The following CCDC73 variants were observed in gnomAD, a reference collection of about 807,000 sequenced individuals.
The protein encoded by CCDC73 is coiled-coil domain containing 73, also known as coiled-coil domain-containing protein 73.
CCDC73 carries 95 observed loss-of-function variants against 116.5 expected under a neutral mutation model. That is an observed-to-expected ratio of 0.82 (90% confidence interval 0.69 to 0.97). The LOEUF is 0.97. CCDC73 is among the 50% of genes least tolerant of loss of function. The pLI, the probability that CCDC73 is intolerant of heterozygous loss-of-function variation, is 0.00. For synonymous variants in CCDC73, 398 were observed against 401.3 expected, an observed-to-expected ratio of 0.99 and a Z score of 0.10; for missense variants, 1,066 against 1,206.8, an observed-to-expected ratio of 0.88 and a Z score of 1.73.
Position 32,616,110 on chromosome 11 carries a change from T to G in CCDC73, c.1205A>C (p.Asn402Thr), listed in dbSNP as rs1855472634. Residue 402 changes from asparagine (N) to threonine (T), a missense_variant, in exon 15 of 18, where the codon AAT (asparagine) becomes ACT (threonine). Transcript: ENST00000335185. The part of the protein sequence containing the change: ...KKFQNVPEVN[N>T]ENSEMSTEKS... Reference sequence around the variant, plus strand: ...TTCAGTTGACATTTCACTGTTTTCATTATTTACTTCTGGAACATTCTAGTG... The same window carrying G: ...TTCAGTTGACATTTCACTGTTTTCAGTATTTACTTCTGGAACATTCTAGTG... 1 of 1,579,756 alleles carries G rather than the reference T, an allele frequency of 6.3e-7. No individual in the cohort carries two copies. Among genetic ancestry groups the G allele is most frequent in the African/African-American group, 1.4e-5 (1 of 72,686 alleles).
Position 32,702,871 on chromosome 11 carries a change from A to G in CCDC73, c.279+2T>C, listed in dbSNP as rs551126317. 6.3e-7 allele frequency: 1 copy of G among 1,596,624 alleles called. No homozygotes were observed. The highest frequency in any genetic ancestry group is 1.7e-5 in the Admixed American group (1 of 60,000). On this transcript the variant is annotated splice_donor_variant, in intron 4 of 17. Coordinates refer to ENST00000335185, the MANE Select transcript of CCDC73 (RefSeq NM_001008391.4). LOFTEE classifies it high-confidence loss of function. ...AGTGTTTGTCTATCCTTATGAAATT[A>G]CCTGCTTTTTAAAAACTGCCATTGC...
At chr11:32,694,471 G>T (rs192307876) in intron 6 of CCDC73, among the ~76,000 whole-genome samples, 3 of 152,250 alleles carry the variant, frequency 2.0e-5, no homozygotes, top group Admixed American at 1.3e-4. Context: ...GGGAGGAATA[G>T]CATTAGGAGA....
chr11:32,622,981 CATTTTATTTT>C (rs202129403), intron 14 of CCDC73, among the ~76,000 whole-genome samples: 1 of 151,736 alleles, frequency 6.6e-6, no homozygotes, highest in Non-Finnish European at 1.5e-5. Context: ...ATGTAATGTC[CATTTTATTTT>C]ATTTTATTTT....
chr11:32,605,361 CAA>C (rs930090227), intron 17 of CCDC73: 2 of 151,936 alleles, frequency 1.3e-5, no homozygotes, highest in African/African-American at 2.4e-5. Context: ...TTTGTTCTTC[CAA>C]AAGTGTCTGC....
At chr11:32,772,216 A>G (rs1297560525) in intron 1 of CCDC73, among the ~76,000 whole-genome samples, 1 of 152,090 alleles carries the variant, frequency 6.6e-6, no homozygotes, top group Non-Finnish European at 1.5e-5. Context: ...TGCTCTCTAC[A>G]TTGTCTCTTT....
intron 9 of CCDC73, among the ~76,000 whole-genome samples, chr11:32,664,521 G>A (rs2133274994): frequency 6.6e-6 from 1 of 152,230 alleles, no homozygotes; most frequent in Non-Finnish European, 1.5e-5. Context: ...GGGATTGGTG[G>A]TGATATCCCC....
chr11:32,747,312 G>T (rs983214435), intron 2 of CCDC73, among the ~76,000 whole-genome samples: 19 of 152,156 alleles, frequency 1.2e-4, no homozygotes, highest in African/African-American at 4.6e-4. Flanking sequence ...CTTCGTCCCA[G>T]AGGGAGGGGC....
intron 12 of CCDC73, among the ~76,000 whole-genome samples, chr11:32,643,600 T>G (rs1281312667): frequency 1.3e-5 from 2 of 152,074 alleles, no homozygotes; most frequent in Non-Finnish European, 2.9e-5. Flanking sequence ...TTTTTATAAC[T>G]AAGGATATCT....
chr11:32,674,559 G>T (rs1856067545), intron 9 of CCDC73, among the ~76,000 whole-genome samples: 1 of 152,182 alleles, frequency 6.6e-6, no homozygotes, highest in African/African-American at 2.4e-5. Flanking sequence ...AGGGTTGGTT[G>T]ATCCAGTTAC....
At chr11:32,782,587 C>T (rs1402611253) in intron 1 of CCDC73, among the ~76,000 whole-genome samples, 1 of 152,094 alleles carries the variant, frequency 6.6e-6, no homozygotes, top group African/African-American at 2.4e-5. Flanking sequence ...GGGAAAGTGT[C>T]TAATTTAAAA....
At chr11:32,728,870 A>G (rs1171954939) in intron 2 of CCDC73, among the ~76,000 whole-genome samples, 1 of 151,866 alleles carries the variant, frequency 6.6e-6, no homozygotes, top group Non-Finnish European at 1.5e-5. Flanking sequence ...ACACTCGACT[A>G]ATTTTTGTAT....
In CCDC73 at chr11:32,642,013, G is replaced by A; in HGVS notation, c.1009C>T (p.Gln337Ter). 3 of 1,559,582 alleles carry A rather than the reference G, an allele frequency of 1.9e-6. No homozygotes were observed. The highest frequency in any genetic ancestry group is 8.7e-7 in the Non-Finnish European group (1 of 1,151,150). Residue 337 changes from glutamine (Q) to a stop codon, truncating the protein, a stop_gained, in exon 13 of 18, where the codon CAA (glutamine) becomes TAA (stop). Coordinates refer to ENST00000335185, the MANE Select transcript of CCDC73 (RefSeq NM_001008391.4). LOFTEE classifies it high-confidence loss of function. ...CCTAGTGCTTTTTCATGCTCATTTT[G>A]AAGATTAAGAAACTTTTCTTCATTT... ...KENEEKFLNLQNEHEKALGTW... is the reference protein window; with the variant it reads ...KENEEKFLNL
chr11:32,635,518 A>G (rs1183060677), intron 14 of CCDC73, among the ~76,000 whole-genome samples, 178 bp downstream of exon 14: 1 of 152,160 alleles, frequency 6.6e-6, no homozygotes, highest in Non-Finnish European at 1.5e-5. Context: ...TAAAAAAATG[A>G]CCTTCAATTC....
At chr11:32,705,075 C>T (rs188401293) in intron 3 of CCDC73, among the ~76,000 whole-genome samples, 5 of 152,322 alleles carry the variant, frequency 3.3e-5, no homozygotes, top group African/African-American at 9.6e-5. Context: ...GGGGCTGTAA[C>T]GCTATAGCTC....
chr11:32,806,093 T>C, the CCDC73 span, among the ~76,000 whole-genome samples: 15 of 152,202 alleles, frequency 9.9e-5, no homozygotes, highest in Non-Finnish European at 1.0e-4. Flanking sequence ...GTAAACTAAT[T>C]TGACCCAAGA....
chr11:32,818,218 T>C, the CCDC73 span, among the ~76,000 whole-genome samples: 2 of 152,262 alleles, frequency 1.3e-5, no homozygotes, highest in African/African-American at 4.8e-5. Flanking sequence ...ACTTGTGTGC[T>C]GTCCTCTGCC....
rs368523791 is a variant in CCDC73 at position 32,727,869 on chromosome 11, C to G, written c.136-9722G>C. Among the ~76,000 whole-genome samples, 17 of 152,228 alleles carry G rather than the reference C, an allele frequency of 1.1e-4. No homozygotes were observed. The East Asian group carries it at 2.5e-3, about 23-fold the overall frequency. ...ACAGGTGTGAGCCACTGTGCCTGGC[C>G]TGCAGCAATTATTACTGTGATTTTT... On this transcript the variant is annotated intron_variant, in intron 2 of 17. Coordinates refer to ENST00000335185, the MANE Select transcript of CCDC73 (RefSeq NM_001008391.4).
At chr11:32,760,054 A>G (rs964193497) in intron 2 of CCDC73, 55 bp downstream of exon 2, 2 of 1,441,414 alleles carry the variant, frequency 1.4e-6, no homozygotes, top group African/African-American at 2.9e-5. Flanking sequence ...AAAACAATAA[A>G]CTGAACAAAA....
intron 2 of CCDC73, among the ~76,000 whole-genome samples, chr11:32,727,849 T>G (rs1413110356): frequency 2.0e-5 from 3 of 152,118 alleles, no homozygotes; most frequent in Non-Finnish European, 4.4e-5. Flanking sequence ...GGATTACAGG[T>G]GTGAGCCACT....
Sources: allele counts gnomAD v4.1 joint callset (sites outside exome capture counted in the v4.1 genomes callset), GRCh38; gene constraint gnomAD v4.1.1; transcripts MANE v1.5; gene names NCBI Gene and HGNC (gene_info 2026-07-23, HGNC 2026-07-21).